FOXP1: variants seen among roughly 807,000 people sequenced by gnomAD.
FOXP1 encodes forkhead box protein P1.
FOXP1 carries 15 observed loss-of-function variants against 98.2 expected under a neutral mutation model. That is an observed-to-expected ratio of 0.15 (90% CI 0.10 to 0.24). FOXP1 has a LOEUF of 0.24. FOXP1 is among the 10% of genes least tolerant of loss of function. FOXP1 has a pLI of 1.00. For synonymous variants in FOXP1, 371 were observed against 314.5 expected, an observed-to-expected ratio of 1.18 and a Z score of -1.90; for missense variants, 633 against 848.5, an observed-to-expected ratio of 0.75 and a Z score of 3.15.
chr3:71,297,344 C>T (rs1374818638), intron 5 of FOXP1, among the ~76,000 whole-genome samples: 1 of 151,744 alleles, frequency 6.6e-6, no homozygotes, highest in Non-Finnish European at 1.5e-5. Context: ...TTTCCCTTGA[C>T]CTATGATATT....
At chr3:71,575,701 T>C (rs2107837038) in intron 2 of FOXP1, among the ~76,000 whole-genome samples, 1 of 152,354 alleles carries the variant, frequency 6.6e-6, no homozygotes, top group East Asian at 1.9e-4. Flanking sequence ...GTCACTGTCC[T>C]GAGAGCACCA....
intron 2 of FOXP1, among the ~76,000 whole-genome samples, chr3:71,557,733 T>C (rs1414313587): frequency 6.6e-6 from 1 of 152,256 alleles, no homozygotes; most frequent in Non-Finnish European, 1.5e-5. Flanking sequence ...CATTCTACCT[T>C]ACATGCCACA....
At chr3:71,108,123 C>G (rs887574124) in intron 7 of FOXP1, among the ~76,000 whole-genome samples, 1 of 152,208 alleles carries the variant, frequency 6.6e-6, no homozygotes, top group Non-Finnish European at 1.5e-5. Context: ...GGGCCTGAAG[C>G]TGGTGAGCTT....
intron 6 of FOXP1, among the ~76,000 whole-genome samples, chr3:71,168,870 A>G (rs1406418156): frequency 6.6e-6 from 1 of 152,208 alleles, no homozygotes; most frequent in Non-Finnish European, 1.5e-5. Context: ...GGGGAAACTT[A>G]AGATAAGGAA....
intron 3 of FOXP1, among the ~76,000 whole-genome samples, chr3:71,405,742 T>A (rs1031577030): frequency 4.6e-5 from 7 of 151,962 alleles, no homozygotes; most frequent in South Asian, 2.1e-4. Flanking sequence ...TTATTTATTT[T>A]TTTGAGATGG....
chr3:71,290,467 C>G (rs574285401), intron 5 of FOXP1, among the ~76,000 whole-genome samples: 9 of 152,206 alleles, frequency 5.9e-5, no homozygotes, highest in Non-Finnish European at 1.2e-4. Flanking sequence ...TGGCCATCAT[C>G]ATATCTCACT....
intron 3 of FOXP1, among the ~76,000 whole-genome samples, chr3:71,400,263 T>C (rs1339460128): frequency 6.6e-6 from 1 of 152,226 alleles, no homozygotes; most frequent in African/African-American, 2.4e-5. Context: ...ATGAAACCAA[T>C]TATTTCAAAT....
intron 2 of FOXP1, among the ~76,000 whole-genome samples, chr3:71,524,795 C>A (rs2043246285): frequency 6.6e-6 from 1 of 152,170 alleles, no homozygotes; most frequent in Non-Finnish European, 1.5e-5. Flanking sequence ...TGTTTGACCT[C>A]AAGATATCTA....
intron 7 of FOXP1, among the ~76,000 whole-genome samples, chr3:71,068,165 C>T (rs2052784007): frequency 6.6e-6 from 1 of 152,066 alleles, no homozygotes; most frequent in Non-Finnish European, 1.5e-5. Context: ...GTTCAAACAC[C>T]ACATATTAAG....
chr3:71,468,246 T>C (rs1286465129), intron 3 of FOXP1, among the ~76,000 whole-genome samples: 1 of 151,504 alleles, frequency 6.6e-6, no homozygotes, highest in Non-Finnish European at 1.5e-5. Context: ...AACTCAGGAG[T>C]CTGTAAGAAA....
At chr3:71,370,612 G>T (rs1278409301) in intron 3 of FOXP1, among the ~76,000 whole-genome samples, 1 of 152,138 alleles carries the variant, frequency 6.6e-6, no homozygotes, top group African/African-American at 2.4e-5. Context: ...GCCCTTTATT[G>T]TGTCTGTCTT....
intron 2 of FOXP1, chr3:71,571,852 T>G (rs1378453511): frequency 6.6e-6 from 1 of 152,246 alleles, no homozygotes; most frequent in East Asian, 1.9e-4. Flanking sequence ...TTTTGGTCAT[T>G]AGCATAATCA....
At chr3:71,016,389 G>A (rs770904508) in intron 11 of FOXP1, among the ~76,000 whole-genome samples, 10 of 152,098 alleles carry the variant, frequency 6.6e-5, no homozygotes, top group South Asian at 2.1e-4. Flanking sequence ...TGTGGTGCTC[G>A]GGGAAGAGTA....
At chr3:71,397,062 G>GTGTATATATATACA (rs2081536638) in intron 3 of FOXP1, among the ~76,000 whole-genome samples, 1 of 63,574 alleles carries the variant, frequency 1.6e-5, no homozygotes, top group Non-Finnish European at 3.0e-5. Flanking sequence ...ATATATATGT[G>GTGTATATATATACA]TATATATATA....
chr3:71,278,753 G>C (rs1261633518), intron 5 of FOXP1, among the ~76,000 whole-genome samples: 1 of 152,206 alleles, frequency 6.6e-6, no homozygotes, highest in Admixed American at 6.5e-5. Context: ...CTGTACTCCA[G>C]CCTGGGCGAC....
chr3:71,481,616 T>C (rs1266024307), intron 3 of FOXP1, among the ~76,000 whole-genome samples: 2 of 152,254 alleles, frequency 1.3e-5, no homozygotes, highest in African/African-American at 4.8e-5. Flanking sequence ...TCTGAATGTT[T>C]ATTCCCCAAC....
At chr3:71,272,920 T>A (rs1012218545) in intron 5 of FOXP1, among the ~76,000 whole-genome samples, 11 of 152,190 alleles carry the variant, frequency 7.2e-5, no homozygotes, top group African/African-American at 2.7e-4. Context: ...AAGGCCATGG[T>A]CTTCCATGGT....
At chr3:71,417,680 C>G (rs149362207) in intron 3 of FOXP1, among the ~76,000 whole-genome samples, 2 of 152,012 alleles carry the variant, frequency 1.3e-5, no homozygotes, top group African/African-American at 4.8e-5. Flanking sequence ...GGTTGGGAAA[C>G]AGTTAATGCA....
At chr3:70,992,774 G>A (rs1290459285) in intron 13 of FOXP1, among the ~76,000 whole-genome samples, 1 of 152,152 alleles carries the variant, frequency 6.6e-6, no homozygotes, top group African/African-American at 2.4e-5. Flanking sequence ...GAGTAAGGCA[G>A]GATTTTAAAT....
Sources: gnomAD v4.1 joint callset for allele counts (sites outside exome capture counted in the v4.1 genomes callset) on GRCh38, gnomAD v4.1.1 for gene constraint, MANE v1.5 for transcripts, NCBI Gene and HGNC (gene_info 2026-07-23, HGNC 2026-07-21) for gene names.